CEP350: variants seen among roughly 807,000 people sequenced by gnomAD.
CEP350 encodes the protein centrosomal protein 350.
In CEP350, 126 loss-of-function variants were observed where a neutral mutation model predicts 331.8. The observed-to-expected ratio is 0.38, with a 90% confidence interval of 0.33 to 0.44. The LOEUF (loss-of-function observed/expected upper bound fraction) is 0.44. CEP350 is among the 20% of genes least tolerant of loss of function. CEP350 has a pLI of 1.00. For missense variants in CEP350, 3,406 were observed against 3,634.6 expected, an observed-to-expected ratio of 0.94 and a Z score of 1.62; for synonymous variants, 1,200 against 1,259.5, an observed-to-expected ratio of 0.95 and a Z score of 1.00.
chr1:180,085,488 TA>T (rs1659809478), intron 31 of CEP350: 1 of 152,280 alleles, frequency 6.6e-6, no homozygotes, highest in South Asian at 2.1e-4. Flanking sequence ...GCTTTTCTAT[TA>T]CACACATTCT....
chr1:180,082,174 A>T (rs1426770298), intron 30 of CEP350, among the ~76,000 whole-genome samples: 1 of 152,228 alleles, frequency 6.6e-6, no homozygotes, highest in Non-Finnish European at 1.5e-5. Context: ...ACCAAGGATT[A>T]ATAATAACAT....
rs1384853841 is a variant in CEP350 at position 180,014,050 on chromosome 1, G to A, written c.1597G>A (p.Asp533Asn). The change falls in exon 10 of 38, where the codon GAT becomes AAT. Residue 533 changes from aspartate (D) to asparagine (N), a missense_variant. Asp to Asn is a conservative substitution (Grantham distance 23). Transcript: ENST00000367607. ...FLPIEIRGILDDLQLDSTAHT... is the reference protein window; with the variant it reads ...FLPIEIRGILNDLQLDSTAHT... ...ACCTATTGAAATTCGTGGCATTCTT[G>A]ATGACCTACAGCTGGATTCTACAGC... 6.2e-7 allele frequency: 1 copy of A among 1,612,408 alleles called. No individual in the cohort carries two copies. The highest frequency in any genetic ancestry group is 8.5e-7 in the Non-Finnish European group (1 of 1,179,156).
intron 1 of CEP350, among the ~76,000 whole-genome samples, chr1:179,971,434 C>T (rs1159926034): frequency 6.6e-6 from 1 of 152,140 alleles, no homozygotes; most frequent in East Asian, 1.9e-4. Context: ...AGTGATCCTC[C>T]AACCTCAATC....
At chr1:180,034,660 T>A (rs1021401936) in intron 16 of CEP350, among the ~76,000 whole-genome samples, 3 of 152,124 alleles carry the variant, frequency 2.0e-5, no homozygotes, top group Admixed American at 2.0e-4. Context: ...TCTTTGATGT[T>A]CCTGTTGTAT....
chr1:180,079,679 C>T (rs1023190568), intron 29 of CEP350, among the ~76,000 whole-genome samples: 3 of 151,778 alleles, frequency 2.0e-5, no homozygotes, highest in Non-Finnish European at 2.9e-5. Flanking sequence ...TTTCTACCTT[C>T]GAGGAATTTA....
chr1:180,096,171 T>A lies in CEP350; in HGVS notation c.9053T>A (p.Leu3018His). The A allele has an allele frequency of 1.9e-6, 3 of 1,564,940 alleles. No homozygotes were observed. The highest frequency in any genetic ancestry group is 2.6e-6 in the Non-Finnish European group (3 of 1,153,450). Residue 3018 changes from leucine (L) to histidine (H), a missense_variant, in exon 36 of 38, where the codon CTT becomes CAT. Transcript: ENST00000367607. Reference sequence around the variant, plus strand: ...CGACGAGTGAAAAATCCAAATAACCTTGATGAAATCAAGGTAAACTGCAAA... The same window carrying A: ...CGACGAGTGAAAAATCCAAATAACCATGATGAAATCAAGGTAAACTGCAAA... Reference protein sequence around the residue: ...YFRRVKNPNNLDEIKSFIASE... With the variant: ...YFRRVKNPNNHDEIKSFIASE...
At chr1:180,087,383 T>TATAG (rs796337809) in intron 31 of CEP350, 195 bp from the exon 32 acceptor site, 22 of 415,706 alleles carry the variant, frequency 5.3e-5, no homozygotes, top group African/African-American at 4.6e-4. Flanking sequence ...CTTGCTTATA[T>TATAG]ATAGATTATT....
intron 25 of CEP350, among the ~76,000 whole-genome samples, chr1:180,061,091 T>A (rs1658202625): frequency 6.6e-6 from 1 of 152,214 alleles, no homozygotes; most frequent in African/African-American, 2.4e-5. Context: ...AAGCACTTTT[T>A]TGCATTTTAA....
intron 14 of CEP350, among the ~76,000 whole-genome samples, chr1:180,028,054 G>A (rs551066665): frequency 5.3e-5 from 8 of 152,252 alleles, no homozygotes; most frequent in African/African-American, 1.9e-4. Flanking sequence ...CAGCACTTCC[G>A]AAACTGTATT....
intron 27 of CEP350, chr1:180,073,897 C>A (rs1196026137): frequency 7.7e-7 from 1 of 1,304,622 alleles, no homozygotes; most frequent in Non-Finnish European, 1.0e-6. Context: ...ATATCTACAA[C>A]CAGTTGGTCA....
rs1395812346 is a variant in CEP350 at position 180,093,927 on chromosome 1, G to T, written c.7822G>T (p.Val2608Phe). 6.2e-7 allele frequency: 1 copy of T among 1,613,774 alleles called. No homozygotes were observed. Among genetic ancestry groups the T allele is most frequent in the Non-Finnish European group, 8.5e-7 (1 of 1,179,848 alleles). ...TEGPKDREKD[V>F]SEYFYEKSLP... ...GGGTCCAAAAGACAGAGAAAAGGAT[G>T]TCAGTGAATATTTTTATGAGAAATC... Residue 2608 changes from valine (V) to phenylalanine (F), a missense_variant, in exon 34 of 38, where the codon GTC (valine) becomes TTC (phenylalanine). Physicochemically the swap from Val to Phe is conservative, Grantham distance 50 (BLOSUM62 -1). This residue lies in a region of CEP350 where 1,415 missense variants were observed against 1,512.3 expected (regional missense o/e 0.94). Transcript: ENST00000367607.
intron 9 of CEP350, among the ~76,000 whole-genome samples, chr1:180,012,408 GC>G (rs1435366894): frequency 2.6e-5 from 4 of 152,148 alleles, no homozygotes; most frequent in Non-Finnish European, 5.9e-5. Flanking sequence ...ACATATTCAA[GC>G]AAACACGGAC....
At position 180,048,526 on chromosome 1, in the gene CEP350, C is replaced by A; in HGVS notation, c.4623-10C>A. ...TTTTGTTGTTGTTGTTTCCATGTAT[C>A]CATAAAAAGAAGTAGCAGTGGTAGC... On this transcript the variant is annotated splice_polypyrimidine_tract_variant and intron_variant, in intron 21 of 37. Transcript: ENST00000367607. The A allele has an allele frequency of 6.4e-7, 1 of 1,570,598 alleles. No homozygotes were observed. The highest frequency in any genetic ancestry group is 8.7e-7 in the Non-Finnish European group (1 of 1,150,694).
intron 32 of CEP350, 55 bp from the exon 33 acceptor site, chr1:180,090,659 T>C: frequency 1.4e-6 from 2 of 1,458,750 alleles, no homozygotes; most frequent in Non-Finnish European, 1.8e-6. Flanking sequence ...CTGCTTTTTG[T>C]TACCAGTTAT....
At chr1:180,024,371 G>T in intron 13 of CEP350, 48 bp from the exon 14 acceptor site, 2 of 1,524,030 alleles carry the variant, frequency 1.3e-6, no homozygotes, top group Non-Finnish European at 1.8e-6. Flanking sequence ...ATTTAGCTGT[G>T]TTGTAAGACT....
chr1:180,015,339 A>G (rs934325033), intron 10 of CEP350, among the ~76,000 whole-genome samples: 2 of 151,820 alleles, frequency 1.3e-5, no homozygotes, highest in Non-Finnish European at 1.5e-5. Flanking sequence ...GGTTCATGCC[A>G]TTCTCCTACT....
chr1:180,048,528 A>G lies in CEP350; in HGVS notation c.4623-8A>G. The G allele has an allele frequency of 6.3e-7, 1 of 1,580,478 alleles. No individual in the cohort carries two copies. Among genetic ancestry groups the G allele is most frequent in the South Asian group, 1.1e-5 (1 of 87,268 alleles). ...TTGTTGTTGTTGTTTCCATGTATCCATAAAAAGAAGTAGCAGTGGTAGCAG... is the reference window on the plus strand; with the variant it reads ...TTGTTGTTGTTGTTTCCATGTATCCGTAAAAAGAAGTAGCAGTGGTAGCAG... On this transcript the variant is annotated splice_polypyrimidine_tract_variant and splice_region_variant and intron_variant, in intron 21 of 37. Transcript: ENST00000367607.
chr1:180,084,622 C>T (rs1659752806), intron 31 of CEP350, among the ~76,000 whole-genome samples: 1 of 152,102 alleles, frequency 6.6e-6, no homozygotes, highest in Admixed American at 6.5e-5. Context: ...CCTCGGCCTC[C>T]CAAAGTGCTA....
chr1:179,966,580 A>G (rs1345690511), intron 1 of CEP350, among the ~76,000 whole-genome samples: 1 of 152,142 alleles, frequency 6.6e-6, no homozygotes, highest in African/African-American at 2.4e-5. Context: ...AAGAAAAATA[A>G]ACAAAGGGGG....
Sources: gnomAD v4.1 joint callset for allele counts (sites outside exome capture counted in the v4.1 genomes callset) on GRCh38, gnomAD v4.1.1 for gene constraint, gnomAD v4.1.1 regional missense constraint, MANE v1.5 for transcripts, NCBI Gene and HGNC (gene_info 2026-07-23, HGNC 2026-07-21) for gene names.